The following HSPA12A variants were observed in gnomAD, a reference collection of about 807,000 sequenced individuals.
HSPA12A encodes the protein heat shock 70 kDa protein 12A.
In HSPA12A, 28 loss-of-function variants were observed where a neutral mutation model predicts 69.2. That is an observed-to-expected ratio of 0.40 (90% confidence interval 0.30 to 0.55). The LOEUF (loss-of-function observed/expected upper bound fraction) is 0.55. Ranked by LOEUF, HSPA12A falls within the 20% of genes least tolerant of loss-of-function variation. The probability of loss-of-function intolerance (pLI) is 0.38; values close to 1 mark genes in which losing one functional copy is unlikely to be tolerated. For missense variants in HSPA12A, 686 were observed against 900.7 expected, an observed-to-expected ratio of 0.76 and a Z score of 3.05; for synonymous variants, 345 against 370.5, an observed-to-expected ratio of 0.93 and a Z score of 0.79.
At chr10:116,782,806 T>C (rs1419490051) in intron 2 of HSPA12A, among the ~76,000 whole-genome samples, 2 of 152,156 alleles carry the variant, frequency 1.3e-5, no homozygotes, top group African/African-American at 2.4e-5. Context: ...GTGCCAACAA[T>C]GTTCTACGTC....
At chr10:116,706,820 T>C (rs1554882501) in intron 2 of HSPA12A, among the ~76,000 whole-genome samples, 1 of 152,176 alleles carries the variant, frequency 6.6e-6, no homozygotes, top group East Asian at 1.9e-4. Context: ...ACAGAGTCCA[T>C]GTATTCACCG....
upstream of HSPA12A, among the ~76,000 whole-genome samples, chr10:116,742,849 G>A (rs1366522525): frequency 6.6e-5 from 10 of 151,864 alleles, no homozygotes; most frequent in African/African-American, 1.9e-4. Flanking sequence ...CCGGGGCTGC[G>A]CTGCGGGAGC....
chr10:116,705,050 G>T (rs1430134601), intron 3 of HSPA12A, 101 bp downstream of exon 3: 4 of 1,414,750 alleles, frequency 2.8e-6, no homozygotes, highest in Non-Finnish European at 3.9e-6. Context: ...ACAGAATCCA[G>T]GGCCGTCTTC....
chr10:116,787,074 G>A (rs889921168), intron 2 of HSPA12A, among the ~76,000 whole-genome samples: 3 of 151,796 alleles, frequency 2.0e-5, no homozygotes, highest in Non-Finnish European at 2.9e-5. Context: ...GGATACTGTC[G>A]TGTTGGCATA....
At chr10:116,808,846 G>A (rs768217696) in intron 2 of HSPA12A, among the ~76,000 whole-genome samples, 5 of 152,112 alleles carry the variant, frequency 3.3e-5, no homozygotes, top group Admixed American at 6.5e-5. Flanking sequence ...GCCCCGCACC[G>A]CCGTTCCTAT....
chr10:116,743,076 C>G (rs115846094), upstream of HSPA12A, among the ~76,000 whole-genome samples: 1 of 68,168 alleles, frequency 1.5e-5, no homozygotes, highest in Non-Finnish European at 3.3e-5. Flanking sequence ...GGGCAGGACC[C>G]AGGCCGCAGA....
At position 116,701,208 on chromosome 10, in the gene HSPA12A, G is replaced by A. The variant is rs1269004365; in HGVS notation, c.255-79C>T. ...GGCAGCACAGATTTGAACACCTACT[G>A]TATGCATGAGTGTCAGTAATGTGGG... On this transcript the variant is annotated intron_variant, in intron 3 of 11. Transcript: ENST00000369209. 12 of 1,336,700 alleles carry A rather than the reference G, an allele frequency of 9.0e-6. No homozygotes were observed. The Admixed American group carries it at 9.4e-5, about 10-fold the overall frequency. 82.8% of individuals were successfully genotyped at this position (1,336,700 alleles called of 1,614,324 possible).
intron 10 of HSPA12A, 51 bp from the exon 11 acceptor site, chr10:116,676,553 C>A (rs782545016): frequency 1.2e-5 from 17 of 1,394,678 alleles, no homozygotes; most frequent in Non-Finnish European, 1.6e-5. Context: ...CTACACGATA[C>A]CCAGGCTTAT....
At chr10:116,695,659 AC>A (rs1306450016) in intron 5 of HSPA12A, among the ~76,000 whole-genome samples, 1 of 152,038 alleles carries the variant, frequency 6.6e-6, no homozygotes, top group African/African-American at 2.4e-5. Flanking sequence ...TACTAAAAAT[AC>A]AAAAAATTAG....
intron 3 of HSPA12A, among the ~76,000 whole-genome samples, chr10:116,703,662 T>C (rs1038796310): frequency 2.6e-5 from 4 of 152,248 alleles, no homozygotes; most frequent in Non-Finnish European, 5.9e-5. Context: ...AGTCATCCCT[T>C]GGAATTGAAA....
intron 1 of HSPA12A, among the ~76,000 whole-genome samples, chr10:116,739,811 C>T (rs1470251874): frequency 3.3e-5 from 5 of 151,938 alleles, no homozygotes; most frequent in East Asian, 1.9e-4. Context: ...AGTAATGAAC[C>T]GCCGCTCCCC....
At chr10:116,707,380 T>G (rs1276468115) in intron 1 of HSPA12A, 95 bp from the exon 2 acceptor site, 15 of 949,292 alleles carry the variant, frequency 1.6e-5, no homozygotes, top group Non-Finnish European at 2.5e-5. Flanking sequence ...CTCCAGGAAC[T>G]GCGGCCTCTG....
chr10:116,836,263 T>C (rs1022716453), intron 1 of HSPA12A, among the ~76,000 whole-genome samples: 2 of 152,104 alleles, frequency 1.3e-5, no homozygotes, highest in African/African-American at 4.8e-5. Context: ...TGCAGGTGCC[T>C]CCTACTGTGG....
At chr10:116,746,048 C>A (rs1202940002), upstream of HSPA12A, among the ~76,000 whole-genome samples, 2 of 152,040 alleles carry the variant, frequency 1.3e-5, no homozygotes, top group African/African-American at 2.4e-5. Flanking sequence ...AGCCCCCAGA[C>A]CCTAGGATGG....
chr10:116,848,266 C>T (rs1470364243), intron 1 of HSPA12A, among the ~76,000 whole-genome samples: 6 of 152,308 alleles, frequency 3.9e-5, no homozygotes, highest in African/African-American at 1.4e-4. Context: ...CCATTACACA[C>T]AGACAGTGAG....
At chr10:116,695,248 C>T (rs1849852955) in intron 5 of HSPA12A, among the ~76,000 whole-genome samples, 1 of 152,154 alleles carries the variant, frequency 6.6e-6, no homozygotes, top group Non-Finnish European at 1.5e-5. Context: ...TCACTCTATG[C>T]TGTGTTCTGA....
chr10:116,796,230 C>T (rs1427710147), intron 2 of HSPA12A, among the ~76,000 whole-genome samples: 2 of 150,760 alleles, frequency 1.3e-5, no homozygotes, highest in Non-Finnish European at 3.0e-5. Context: ...GAATATATTA[C>T]TTGTATAGCA....
chr10:116,675,028 G>A lies in HSPA12A; in HGVS notation c.1781C>T (p.Ser594Phe). 4 of 1,614,172 alleles carry A rather than the reference G, an allele frequency of 2.5e-6. No individual in the cohort carries two copies. The highest frequency in any genetic ancestry group is 1.6e-4 in the Middle Eastern group (1 of 6,062). ...GATGTTGATGACAATGACCAGCTGG[G>A]AGGGCTTGGCCGGGGTGTAGCTACG... ...VKRSYTPAKP[S>F]QLVIVINIYS... Residue 594 changes from serine (S) to phenylalanine (F), a missense_variant, in exon 12 of 12, where the codon TCC becomes TTC. By Grantham distance (155) the Ser-to-Phe change is radical. Coordinates refer to ENST00000369209, the MANE Select transcript of HSPA12A (RefSeq NM_025015.3). This position sits in a 1 kb window ranked among gnomAD's most constrained non-coding sequence, Gnocchi z 5.2.
intron 2 of HSPA12A, among the ~76,000 whole-genome samples, chr10:116,776,447 C>T (rs1844340563): frequency 6.6e-6 from 1 of 152,236 alleles, no homozygotes; most frequent in African/African-American, 2.4e-5. Flanking sequence ...CAGTAAAACT[C>T]TACGCTCAAA....
Sources: allele counts gnomAD v4.1 joint callset (sites outside exome capture counted in the v4.1 genomes callset), GRCh38; gene constraint gnomAD v4.1.1; non-coding constraint Gnocchi (gnomAD v3.1); transcripts MANE v1.5; gene names NCBI Gene and HGNC (gene_info 2026-07-23, HGNC 2026-07-21).